The following SORD variants were observed in gnomAD, a reference collection of about 807,000 sequenced individuals.
SORD encodes sorbitol dehydrogenase, also known as (R,R)-butanediol dehydrogenase.
Under a neutral mutation model 35.6 loss-of-function variants are expected in SORD, and 18 were observed. That is an observed-to-expected ratio of 0.51 (90% CI 0.35 to 0.75). The LOEUF is 0.75. SORD is among the 30% of genes least tolerant of loss of function. The probability of loss-of-function intolerance (pLI) is 0.01; values close to 1 mark genes in which losing one functional copy is unlikely to be tolerated. For synonymous variants in SORD, 106 were observed against 152.9 expected (o/e 0.69, Z 2.26); for missense variants, 250 against 390.2 (o/e 0.64, Z 3.03).
chr15:45,070,035 G>A (rs2141127966), intron 7 of SORD: 1 of 152,252 alleles, frequency 6.6e-6, no homozygotes, highest in Admixed American at 6.5e-5. Flanking sequence ...TGTACGCCAG[G>A]TTCTCTGCTG....
chr15:45,054,873 G>GT (rs1893188750), intron 3 of SORD, among the ~76,000 whole-genome samples: 1 of 151,578 alleles, frequency 6.6e-6, no homozygotes, highest in South Asian at 2.1e-4. Context: ...TGGCTAGCCA[G>GT]TTTTCCCAGC....
chr15:45,068,289 C>G, intron 6 of SORD, 43 bp downstream of exon 6: 1 of 1,433,538 alleles, frequency 7.0e-7, no homozygotes, highest in Non-Finnish European at 9.8e-7. Context: ...TGGGAAACAG[C>G]GGGTCCTACT....
intron 1 of SORD, among the ~76,000 whole-genome samples, chr15:45,025,951 G>A (rs556381348): frequency 6.6e-6 from 1 of 152,288 alleles, no homozygotes; most frequent in East Asian, 1.9e-4. Context: ...GAGCTTGCCT[G>A]GGCTGAGTGA....
chr15:45,032,509 C>T (rs1385836490), intron 1 of SORD, among the ~76,000 whole-genome samples: 1 of 151,986 alleles, frequency 6.6e-6, no homozygotes, highest in Non-Finnish European at 1.5e-5. Flanking sequence ...TCAATTCCCA[C>T]CTCCTGCGGG....
At chr15:45,045,071 C>G (rs922071296) in intron 3 of SORD, among the ~76,000 whole-genome samples, 2 of 152,106 alleles carry the variant, frequency 1.3e-5, no homozygotes, top group South Asian at 2.1e-4. Context: ...GAAATTGAAG[C>G]CTGGTTATTG....
chr15:45,051,647 T>C (rs925204158), intron 3 of SORD, among the ~76,000 whole-genome samples: 12 of 152,256 alleles, frequency 7.9e-5, no homozygotes, highest in African/African-American at 2.7e-4. Context: ...CTGTCTTTAA[T>C]GTTACATGAA....
At chr15:45,064,430 G>A (rs374617744) in intron 4 of SORD, among the ~76,000 whole-genome samples, 11 of 152,238 alleles carry the variant, frequency 7.2e-5, no homozygotes, top group Non-Finnish European at 1.3e-4. Flanking sequence ...ATGGATGAGC[G>A]TGCTTCCTAA....
Position 45,068,869 on chromosome 15 carries a change from A to G in SORD, c.611-8A>G, listed in dbSNP as rs758973933. 127 of 1,215,274 alleles carry G rather than the reference A, an allele frequency of 1.0e-4. No homozygotes were observed. The highest frequency in any genetic ancestry group is 1.2e-4 in the Non-Finnish European group (120 of 969,912). 75.3% of individuals were successfully genotyped at this position (1,215,274 alleles called of 1,614,324 possible). A position where few individuals can be genotyped will look rare whatever the true frequency, so the allele number is the denominator to read the frequency against. On this transcript the variant is annotated splice_polypyrimidine_tract_variant and splice_region_variant and intron_variant, in intron 6 of 8. Transcript: ENST00000267814. ...AAGAATTTTTTTTTTTTTTTTTTTTACCTTCAGATCTGTCTGCTACCCGAT... is the reference window on the plus strand; with the variant it reads ...AAGAATTTTTTTTTTTTTTTTTTTTGCCTTCAGATCTGTCTGCTACCCGAT...
chr15:45,043,849 T>G (rs536201714), intron 3 of SORD, among the ~76,000 whole-genome samples: 3 of 151,822 alleles, frequency 2.0e-5, no homozygotes, highest in African/African-American at 7.3e-5. Flanking sequence ...CACCATTATT[T>G]TTCCTAGATT....
At chr15:45,069,152 A>G in intron 7 of SORD, 100 bp downstream of exon 7, 1 of 631,080 alleles carries the variant, frequency 1.6e-6, no homozygotes, top group Non-Finnish European at 2.4e-6. Context: ...CGTGAGCCCC[A>G]AGCCAAACTT....
chr15:45,060,344 C>T (rs1026201289), intron 3 of SORD, among the ~76,000 whole-genome samples: 1 of 152,104 alleles, frequency 6.6e-6, no homozygotes, highest in Admixed American at 6.5e-5. Context: ...TGAAATTCTT[C>T]ATAATAAAAA....
At chr15:45,057,839 C>T (rs1181710039) in intron 3 of SORD, among the ~76,000 whole-genome samples, 1 of 152,144 alleles carries the variant, frequency 6.6e-6, no homozygotes, top group African/African-American at 2.4e-5. Context: ...GTGCTGGGCA[C>T]AAAGCCCAAA....
chr15:45,045,427 G>T (rs1396274517), intron 3 of SORD, among the ~76,000 whole-genome samples: 3 of 151,666 alleles, frequency 2.0e-5, no homozygotes, highest in Non-Finnish European at 4.4e-5. Flanking sequence ...CAGCTACTTG[G>T]GAGGCTGAGG....
Position 45,063,300 on chromosome 15 carries a change from T to A in SORD, c.426-1971T>A, listed in dbSNP as rs1893352390. 2.0e-5 allele frequency among the ~76,000 whole-genome samples: 3 copies of A among 152,176 alleles called. No homozygotes were observed. In the South Asian group the frequency reaches 6.2e-4, roughly 32 times the overall value. ...CTGCTTCTCCTTGGCTTCTTGATCA[T>A]CTGTTACCCAATTTGGACTGTTCCC... On this transcript the variant is annotated intron_variant, in intron 4 of 8. Coordinates refer to ENST00000267814, the MANE Select transcript of SORD (RefSeq NM_003104.6).
chr15:45,063,123 T>G (rs1432399030), intron 4 of SORD, among the ~76,000 whole-genome samples: 7 of 142,896 alleles, frequency 4.9e-5, no homozygotes, highest in African/African-American at 1.9e-4. Flanking sequence ...CTCTGGGGAG[T>G]CCTACAGCCC....
intron 2 of SORD, chr15:45,041,888 A>G (rs1240030109): frequency 6.6e-6 from 1 of 152,150 alleles, no homozygotes; most frequent in East Asian, 1.9e-4. Flanking sequence ...TCTCACTACC[A>G]ATTGCTACTT....
chr15:45,040,408 G>A lies in SORD; in HGVS notation c.67G>A (p.Glu23Lys). The A allele has an allele frequency of 6.5e-7, 1 of 1,544,000 alleles. No homozygotes were observed. Among genetic ancestry groups the A allele is most frequent in the Non-Finnish European group, 8.9e-7 (1 of 1,118,556 alleles). ...VVHGPGDLRL[E>K]NYPIPEPGPN... ...ATTTTTTCAATTTTGTTTCTTTTAGGAGAACTATCCTATCCCTGAACCAGG... is the reference window on the plus strand; with the variant it reads ...ATTTTTTCAATTTTGTTTCTTTTAGAAGAACTATCCTATCCCTGAACCAGG... The change falls in exon 2 of 9, where the codon GAG (glutamate) becomes AAG (lysine). Residue 23 changes from glutamate (E) to lysine (K), a missense_variant and splice_region_variant. Around this residue, in one of 8 missense-constraint regions of SORD, gnomAD observed 6 missense variants for 17.3 expected, o/e 0.35. Coordinates refer to ENST00000267814, the MANE Select transcript of SORD (RefSeq NM_003104.6).
At chr15:45,029,856 C>T (rs115082604) in intron 1 of SORD, among the ~76,000 whole-genome samples, 31,304 of 150,954 alleles carry the variant, frequency 0.21, no homozygotes, top group African/African-American at 0.44. Flanking sequence ...AGGTTGTCTC[C>T]TCCCCGAAGT....
intron 3 of SORD, among the ~76,000 whole-genome samples, chr15:45,045,178 T>C (rs1275788750): frequency 2.0e-5 from 3 of 152,170 alleles, no homozygotes. Flanking sequence ...CTACCCAGCA[T>C]CTTCATACTT....
Sources: gnomAD v4.1 joint callset for allele counts (sites outside exome capture counted in the v4.1 genomes callset) on GRCh38, gnomAD v4.1.1 for gene constraint, gnomAD v4.1.1 regional missense constraint, MANE v1.5 for transcripts, NCBI Gene and HGNC (gene_info 2026-07-23, HGNC 2026-07-21) for gene names.